PIK3CA: variants seen among roughly 807,000 people sequenced by gnomAD.
PIK3CA encodes the protein phosphatidylinositol-4,5-bisphosphate 3-kinase catalytic subunit alpha, also known as phosphatidylinositol 4,5-bisphosphate 3-kinase catalytic subunit alpha isoform.
Under a neutral mutation model 138.2 loss-of-function variants are expected in PIK3CA, and 27 were observed. The ratio of observed to expected loss-of-function variants is 0.20; its 90% CI spans 0.14 to 0.27. The LOEUF (loss-of-function observed/expected upper bound fraction) is 0.27. Ranked by LOEUF, PIK3CA falls within the 10% of genes least tolerant of loss-of-function variation. The pLI is 1.00. For synonymous variants in PIK3CA, 358 were observed against 413.2 expected (o/e 0.87, Z 1.62); for missense variants, 544 against 1,277.4 (o/e 0.43, Z 8.75).
chr3:179,191,703 C>G (rs1350952426), intron 1 of PIK3CA, among the ~76,000 whole-genome samples: 1 of 152,160 alleles, frequency 6.6e-6, no homozygotes, highest in African/African-American at 2.4e-5. Context: ...ATGGCGCAGT[C>G]TCGGCTCACT....
chr3:179,226,260 C>T (rs920892340), intron 17 of PIK3CA, among the ~76,000 whole-genome samples: 1 of 152,104 alleles, frequency 6.6e-6, no homozygotes, highest in Non-Finnish European at 1.5e-5. Flanking sequence ...AATAAACACT[C>T]TGCTACTGCC....
At chr3:179,203,448 C>G (rs1262460757) in intron 4 of PIK3CA, 96 bp from the exon 5 acceptor site, 2 of 1,166,088 alleles carry the variant, frequency 1.7e-6, no homozygotes, top group East Asian at 4.8e-5. Context: ...TTTTTTATCA[C>G]CTTTGCAGAT....
chr3:179,153,635 A>C (rs533184977), intron 1 of PIK3CA, among the ~76,000 whole-genome samples: 2 of 152,314 alleles, frequency 1.3e-5, no homozygotes, highest in South Asian at 2.1e-4. Context: ...CAAAATCTGA[A>C]ATCTGAAATC....
chr3:179,224,689 C>A lies in PIK3CA; in HGVS notation c.2295-11C>A. The A allele has an allele frequency of 6.5e-7, 1 of 1,548,700 alleles. No individual in the cohort carries two copies. Among genetic ancestry groups the A allele is most frequent in the Non-Finnish European group, 8.8e-7 (1 of 1,142,078 alleles). On this transcript the variant is annotated splice_polypyrimidine_tract_variant and intron_variant, in intron 15 of 20. Transcript: ENST00000263967. ...CAAAGGTACCTAGTAAAGTTTTTAA[C>A]TATTTTAAAGGCTTGAAGAGTGTCG...
chr3:179,184,676 C>A (rs1156273346), intron 1 of PIK3CA, among the ~76,000 whole-genome samples: 1 of 152,180 alleles, frequency 6.6e-6, no homozygotes, highest in South Asian at 2.1e-4. Flanking sequence ...ATTTATTGGA[C>A]CAGCCTAGAC....
At chr3:179,195,009 T>C (rs2108381951) in intron 1 of PIK3CA, among the ~76,000 whole-genome samples, 1 of 129,960 alleles carries the variant, frequency 7.7e-6, no homozygotes, top group South Asian at 2.4e-4. Flanking sequence ...AGCAGGTACT[T>C]CTCAAAAAAA....
intron 1 of PIK3CA, among the ~76,000 whole-genome samples, chr3:179,193,565 T>C (rs567281089): frequency 6.6e-5 from 10 of 152,350 alleles, no homozygotes; most frequent in African/African-American, 2.4e-4. Context: ...CTGTTTGTGT[T>C]TTAATATAAC....
chr3:179,175,508 A>G (rs149781058), intron 1 of PIK3CA, among the ~76,000 whole-genome samples: 130 of 152,170 alleles, frequency 8.5e-4, no homozygotes, highest in Non-Finnish European at 1.4e-3. Flanking sequence ...GCAGACTTAC[A>G]TTCTTCTCGG....
intron 1 of PIK3CA, 112 bp downstream of exon 1, chr3:179,148,715 G>T (rs1722922010): frequency 6.6e-6 from 1 of 152,174 alleles, no homozygotes; most frequent in Non-Finnish European, 1.5e-5. Flanking sequence ...CGGGCTGGTC[G>T]TCTCCCAGCG....
chr3:179,186,527 C>A (rs997780258), intron 1 of PIK3CA, among the ~76,000 whole-genome samples: 1 of 152,106 alleles, frequency 6.6e-6, no homozygotes, highest in Non-Finnish European at 1.5e-5. Flanking sequence ...TTTAATAAAT[C>A]CATCAATCAA....
intron 20 of PIK3CA, among the ~76,000 whole-genome samples, chr3:179,231,179 T>C (rs1035155170): frequency 5.3e-5 from 8 of 152,208 alleles, no homozygotes; most frequent in African/African-American, 1.7e-4. Context: ...GGTGTATATG[T>C]ACACTTTCTT....
At chr3:179,211,666 C>G (rs2108402750) in intron 9 of PIK3CA, among the ~76,000 whole-genome samples, 1 of 152,218 alleles carries the variant, frequency 6.6e-6, no homozygotes, top group Non-Finnish European at 1.5e-5. Flanking sequence ...GACTCCGTCT[C>G]AAAAAACAAA....
At chr3:179,198,441 T>C (rs1724322249) in intron 1 of PIK3CA, among the ~76,000 whole-genome samples, 1 of 152,238 alleles carries the variant, frequency 6.6e-6, no homozygotes, top group Non-Finnish European at 1.5e-5. Context: ...CAACTTACTT[T>C]TCATTCTTCC....
At chr3:179,158,412 G>T (rs759319582) in intron 1 of PIK3CA, among the ~76,000 whole-genome samples, 1 of 151,962 alleles carries the variant, frequency 6.6e-6, no homozygotes, top group Non-Finnish European at 1.5e-5. Flanking sequence ...TGGAATCTTC[G>T]AATTCCCAGC....
chr3:179,201,607 G>GT, intron 4 of PIK3CA, 67 bp downstream of exon 4: 4 of 793,662 alleles, frequency 5.0e-6, no homozygotes, highest in South Asian at 2.4e-5. Context: ...ATGAGTATCT[G>GT]TATTTTTTTT....
At chr3:179,162,634 C>T (rs1723313701) in intron 1 of PIK3CA, among the ~76,000 whole-genome samples, 1 of 151,954 alleles carries the variant, frequency 6.6e-6, no homozygotes, top group African/African-American at 2.4e-5. Flanking sequence ...ATCAATAGTT[C>T]TTCCTTATGA....
chr3:179,225,398 G>A (rs1163069658), intron 16 of PIK3CA, among the ~76,000 whole-genome samples: 1 of 152,084 alleles, frequency 6.6e-6, no homozygotes, highest in Non-Finnish European at 1.5e-5. Flanking sequence ...GGCTATGGGG[G>A]GAGTGAAGGA....
intron 1 of PIK3CA, among the ~76,000 whole-genome samples, chr3:179,154,863 A>G (rs1456956647): frequency 6.6e-6 from 1 of 152,184 alleles, no homozygotes; most frequent in Non-Finnish European, 1.5e-5. Flanking sequence ...CATTTATAAG[A>G]GGTTGTGTTT....
At chr3:179,150,011 T>TG (rs1298974657) in intron 1 of PIK3CA, among the ~76,000 whole-genome samples, 1 of 147,768 alleles carries the variant, frequency 6.8e-6, no homozygotes, top group African/African-American at 2.6e-5. Context: ...TTTAAGTTTT[T>TG]GGTGTTTTTT....
Sources: allele counts gnomAD v4.1 joint callset (sites outside exome capture counted in the v4.1 genomes callset), GRCh38; gene constraint gnomAD v4.1.1; transcripts MANE v1.5; gene names NCBI Gene and HGNC (gene_info 2026-07-23, HGNC 2026-07-21).